The following CYP4F8 variants were observed in gnomAD, a reference collection of about 807,000 sequenced individuals.
CYP4F8 encodes cytochrome P450 4F8.
Under a neutral mutation model 55.0 loss-of-function variants are expected in CYP4F8, and 56 were observed. The ratio of observed to expected loss-of-function variants is 1.02; its 90% confidence interval spans 0.82 to 1.27. The LOEUF (loss-of-function observed/expected upper bound fraction) is 1.27, where lower values mean the gene tolerates loss of function less well. Among genes scored for constraint, CYP4F8 ranks in the 50% most tolerant of loss-of-function variants. The pLI is 0.00. For synonymous variants in CYP4F8, 288 were observed against 267.3 expected (o/e 1.08, Z -0.76); for missense variants, 680 against 682.4 (o/e 1.00, Z 0.04).
rs1373099574 is a variant in CYP4F8, at chr19:15,629,958, C to T, written c.*600C>T. 1 of 151,892 alleles carries T rather than the reference C, an allele frequency of 6.6e-6. No individual in the cohort carries two copies. Among genetic ancestry groups the T allele is most frequent in the East Asian group, 1.9e-4 (1 of 5,162 alleles). The allele number at this position is 151,892 out of a possible 1,614,324, so 9.4% of individuals were successfully genotyped here. On this transcript the variant is annotated 3_prime_UTR_variant, in exon 13 of 13. Coordinates refer to ENST00000612078, the MANE Select transcript of CYP4F8 (RefSeq NM_007253.4). ...TGCAGTGGCTCACTGCAACCTCCAC[C>T]TCCTGGGTTCAAGTGATTCTCCTGA...
At chr19:15,628,033 A>G in intron 9 of CYP4F8, 1 of 454,716 alleles carries the variant, frequency 2.2e-6, no homozygotes, top group Non-Finnish European at 3.9e-6. Context: ...TGCTGGGATT[A>G]CAGGAGTGAG....
In CYP4F8 at chr19:15,623,715, A is replaced by T; in HGVS notation, c.935A>T (p.Glu312Val). ...LLLSEDKNGKELSDEDIRAEA... is the reference protein window; with the variant it reads ...LLLSEDKNGKVLSDEDIRAEA... ...TGTCTCCAGGATAAAAATGGTAAAG[A>T]GTTGTCAGATGAGGACATAAGAGCA... The change falls in exon 8 of 13, where the codon GAG becomes GTG. Residue 312 changes from glutamate to valine, a missense_variant. By Grantham distance (121) the Glu-to-Val change is moderately radical. Transcript: ENST00000612078. 6.2e-7 allele frequency: 1 copy of T among 1,614,156 alleles called. No individual in the cohort carries two copies. The highest frequency in any genetic ancestry group is 8.5e-7 in the Non-Finnish European group (1 of 1,180,018).
intron 9 of CYP4F8, among the ~76,000 whole-genome samples, chr19:15,626,969 C>A (rs1012933025): frequency 6.6e-6 from 1 of 152,316 alleles, no homozygotes; most frequent in Non-Finnish European, 1.5e-5. Flanking sequence ...TCTCCAGGGG[C>A]GTGTGGACCT....
intron 2 of CYP4F8, among the ~76,000 whole-genome samples, chr19:15,616,718 C>G (rs762928922): frequency 2.0e-5 from 3 of 152,184 alleles, no homozygotes; most frequent in Non-Finnish European, 2.9e-5. Flanking sequence ...TAAGCTGTCC[C>G]AATGAGTTGT....
chr19:15,623,105 G>A lies in CYP4F8; in HGVS notation c.648G>A (p.Glu216=), dbSNP rs1972215088. Residue 216 remains glutamate (E), a splice_region_variant and synonymous_variant, in exon 7 of 13, where the codon GAG becomes GAA. Coordinates refer to ENST00000612078, the MANE Select transcript of CYP4F8 (RefSeq NM_007253.4). ...CIFSFDSNCQ[E]KPSEYITAIM... The stretch of plus-strand genomic sequence containing the variant: ...TCCTCTCTCTGGACTGGCCCTGCAG[G>A]AAGCCCAGTGAATATATTACTGCGA... 1.9e-6 allele frequency: 3 copies of A among 1,612,342 alleles called. No homozygotes were observed. The highest frequency in any genetic ancestry group is 1.7e-5 in the Admixed American group (1 of 59,958).
intron 3 of CYP4F8, 122 bp from the exon 4 acceptor site, chr19:15,619,368 C>T (rs572852397): frequency 9.6e-5 from 116 of 1,202,264 alleles, no homozygotes; most frequent in Non-Finnish European, 1.3e-4. Context: ...CCCATGGCCT[C>T]CTTCCTGCTA....
At chr19:15,624,195 T>A (rs1972234208) in intron 9 of CYP4F8, 101 bp downstream of exon 9, 1 of 1,526,550 alleles carries the variant, frequency 6.6e-7, no homozygotes, top group Non-Finnish European at 8.8e-7. Context: ...TTTTTGATGA[T>A]TCTGCCATTG....
intron 5 of CYP4F8, among the ~76,000 whole-genome samples, 154 bp downstream of exon 5, chr19:15,619,916 A>G (rs1368295796): frequency 4.1e-5 from 5 of 121,982 alleles, no homozygotes; most frequent in African/African-American, 1.4e-4. Flanking sequence ...AATCCTCACT[A>G]AAAGGTGGTA....
At chr19:15,628,641 A>C in intron 11 of CYP4F8, 46 bp downstream of exon 11, 1 of 1,608,092 alleles carries the variant, frequency 6.2e-7, no homozygotes, top group Non-Finnish European at 8.5e-7. Flanking sequence ...TGGTCGGGGG[A>C]GGGGTCTTGT....
chr19:15,618,332 A>G, intron 3 of CYP4F8, 188 bp downstream of exon 3: 1 of 940,184 alleles, frequency 1.1e-6, no homozygotes, highest in Non-Finnish European at 1.7e-6. Flanking sequence ...CTCTGCTGCC[A>G]TCTTCCCCAC....
chr19:15,628,689 A>G (rs780767251), intron 11 of CYP4F8, 72 bp from the exon 12 acceptor site: 26 of 1,604,572 alleles, frequency 1.6e-5, no homozygotes, highest in East Asian at 2.2e-5. Flanking sequence ...CTCCACCCAC[A>G]TCTGTTTTAT....
At chr19:15,626,522 C>T (rs192219780) in intron 9 of CYP4F8, among the ~76,000 whole-genome samples, 1 of 152,300 alleles carries the variant, frequency 6.6e-6, no homozygotes, top group African/African-American at 2.4e-5. Flanking sequence ...AGATCAAATC[C>T]TTTGTCTACT....
In CYP4F8 at chr19:15,628,840, C is replaced by A; in HGVS notation, c.1394C>A (p.Pro465His). 1 of 1,594,882 alleles carries A rather than the reference C, an allele frequency of 6.3e-7. No homozygotes were observed. Among genetic ancestry groups the A allele is most frequent in the South Asian group, 1.1e-5 (1 of 89,312 alleles). Residue 465 changes from proline (P) to histidine (H), a missense_variant, in exon 12 of 13, where the codon CCC becomes CAC. Coordinates refer to ENST00000612078, the MANE Select transcript of CYP4F8 (RefSeq NM_007253.4). Reference sequence around the variant, plus strand: ...GCTTTTATTCCTTTCTCGGCGGGGCCCAGGTGAGGCCAGGGGGTGTCTGAG... The same window carrying A: ...GCTTTTATTCCTTTCTCGGCGGGGCACAGGTGAGGCCAGGGGGTGTCTGAG... Reference protein sequence around the residue: ...PMAFIPFSAGPRNCIGQKFAM... With the variant: ...PMAFIPFSAGHRNCIGQKFAM...
At chr19:15,628,086 C>T in intron 9 of CYP4F8, 1 of 678,308 alleles carries the variant, frequency 1.5e-6, no homozygotes, top group East Asian at 2.8e-5. Flanking sequence ...GAGACACCCT[C>T]TGAATATTGT....
intron 2 of CYP4F8, among the ~76,000 whole-genome samples, chr19:15,616,527 C>T (rs1304174154): frequency 1.3e-5 from 2 of 152,196 alleles, no homozygotes; most frequent in East Asian, 3.8e-4. Flanking sequence ...CTTGGGCTCA[C>T]TGTCTAGAAC....
chr19:15,622,953 G>A, intron 6 of CYP4F8, 152 bp from the exon 7 acceptor site: 1 of 881,190 alleles, frequency 1.1e-6, no homozygotes, highest in Non-Finnish European at 1.7e-6. Flanking sequence ...GGGGCAGGAG[G>A]CAGCTCACAG....
chr19:15,625,083 A>T (rs1198560580), intron 9 of CYP4F8, among the ~76,000 whole-genome samples: 2 of 151,888 alleles, frequency 1.3e-5, no homozygotes, highest in Non-Finnish European at 2.9e-5. Context: ...AAAAATATTT[A>T]AAAACCATTT....
In CYP4F8 at chr19:15,623,710, T is replaced by C. The variant is rs762286624; in HGVS notation, c.930T>C (p.Gly310=). Residue 310 remains glycine, a synonymous_variant, in exon 8 of 13, where the codon GGT becomes GGC. Transcript: ENST00000612078. Reference sequence around the variant, plus strand: ...GTTCTTGTCTCCAGGATAAAAATGGTAAAGAGTTGTCAGATGAGGACATAA... The same window carrying C: ...GTTCTTGTCTCCAGGATAAAAATGGCAAAGAGTTGTCAGATGAGGACATAA... The part of the protein sequence containing the change: ...DVLLLSEDKN[G]KELSDEDIRA... The C allele has an allele frequency of 5.4e-5, 87 of 1,613,978 alleles. No homozygotes were observed. The highest frequency in any genetic ancestry group is 7.2e-5 in the Non-Finnish European group (85 of 1,180,010).
chr19:15,616,133 CCTCA>C (rs886600415), intron 2 of CYP4F8, among the ~76,000 whole-genome samples: 6 of 133,542 alleles, frequency 4.5e-5, no homozygotes, highest in Admixed American at 7.4e-5. Context: ...TCATTCCTCT[CCTCA>C]CTCACTCATT....
Sources: allele counts gnomAD v4.1 joint callset (sites outside exome capture counted in the v4.1 genomes callset), GRCh38; gene constraint gnomAD v4.1.1; transcripts MANE v1.5; gene names NCBI Gene and HGNC (gene_info 2026-07-23, HGNC 2026-07-21).